Variants in SMAD3 observed in about 807,000 individuals in gnomAD.
SMAD3 encodes SMAD family member 3.
In SMAD3, 12 loss-of-function variants were observed where a neutral mutation model predicts 51.8. The ratio of observed to expected loss-of-function variants is 0.23; its 90% CI spans 0.15 to 0.38. The LOEUF is 0.38. Among genes scored for constraint, SMAD3 ranks in the 10% least tolerant of loss-of-function variants. SMAD3 has a pLI of 1.00. For missense variants in SMAD3, 294 were observed against 565.6 expected, an observed-to-expected ratio of 0.52 and a Z score of 4.87; for synonymous variants, 238 against 227.7, an observed-to-expected ratio of 1.05 and a Z score of -0.41.
chr15:67,079,792 C>T (rs148602250), intron 1 of SMAD3, among the ~76,000 whole-genome samples: 8 of 152,312 alleles, frequency 5.3e-5, no homozygotes, highest in African/African-American at 9.6e-5. Context: ...AGCTCTACCC[C>T]ATAGCCCCTC....
At chr15:67,079,072 G>T (rs898303626) in intron 1 of SMAD3, among the ~76,000 whole-genome samples, 4 of 151,592 alleles carry the variant, frequency 2.6e-5, no homozygotes, top group African/African-American at 9.7e-5. Flanking sequence ...TCTGCTTCCC[G>T]GATTCAGGCT....
Position 67,192,865 on chromosome 15 carries a change from A to T in SMAD3, c.*2329A>T, listed in dbSNP as rs1304121042. On this transcript the variant is annotated 3_prime_UTR_variant, in exon 9 of 9. Coordinates refer to ENST00000327367, the MANE Select transcript of SMAD3 (RefSeq NM_005902.4). ...GTGTCTTAGAACCCTCATTGCTCAG[A>T]CCTGAAGGCTACTTCTAGGAGCATG... 5 of 233,252 alleles carry T rather than the reference A, an allele frequency of 2.1e-5. No individual in the cohort carries two copies. Among genetic ancestry groups the T allele is most frequent in the Non-Finnish European group, 3.4e-5 (4 of 118,012 alleles). 14.4% of individuals were successfully genotyped at this position (233,252 alleles called of 1,614,324 possible).
chr15:67,192,690 A>G lies in SMAD3; in HGVS notation c.*2154A>G, dbSNP rs1963397108. On this transcript the variant is annotated 3_prime_UTR_variant, in exon 9 of 9. Coordinates refer to ENST00000327367, the MANE Select transcript of SMAD3 (RefSeq NM_005902.4). The stretch of plus-strand genomic sequence containing the variant: ...CACACAGCCCTCTGGGTGCTTGGGA[A>G]CTAGCTTCAGGCACAGCCTGATTCT... 4.3e-6 allele frequency: 1 copy of G among 233,034 alleles called. No individual in the cohort carries two copies. The highest frequency in any genetic ancestry group is 8.5e-6 in the Non-Finnish European group (1 of 117,942). 14.4% of individuals were successfully genotyped at this position (233,034 alleles called of 1,614,324 possible).
intron 1 of SMAD3, among the ~76,000 whole-genome samples, chr15:67,141,596 T>C (rs1156443957): frequency 6.6e-6 from 1 of 152,204 alleles, no homozygotes; most frequent in African/African-American, 2.4e-5. Flanking sequence ...TGGCAGTCCC[T>C]GAAGGCTGTA....
intron 1 of SMAD3, among the ~76,000 whole-genome samples, chr15:67,152,672 C>T (rs1962178607): frequency 2.6e-5 from 4 of 152,154 alleles, no homozygotes; most frequent in Admixed American, 2.6e-4. Context: ...GTGAAATGGC[C>T]ACCCAGAAGA....
intron 8 of SMAD3, among the ~76,000 whole-genome samples, chr15:67,189,533 C>T (rs1370448351): frequency 6.6e-6 from 1 of 152,248 alleles, no homozygotes; most frequent in Non-Finnish European, 1.5e-5. Context: ...CAGCACTGCA[C>T]AGCAGCCTGA....
At chr15:67,157,658 C>T (rs545393387) in intron 1 of SMAD3, among the ~76,000 whole-genome samples, 2 of 152,304 alleles carry the variant, frequency 1.3e-5, no homozygotes, top group Admixed American at 6.5e-5. Flanking sequence ...AGTGGCTGAT[C>T]GGTGGAAGTG....
At chr15:67,154,877 A>G (rs765035647) in intron 1 of SMAD3, among the ~76,000 whole-genome samples, 5 of 152,208 alleles carry the variant, frequency 3.3e-5, no homozygotes, top group Non-Finnish European at 5.9e-5. Context: ...GATTCAATAC[A>G]ACAAAGAAAA....
chr15:67,097,856 G>A (rs1046675063), intron 1 of SMAD3, among the ~76,000 whole-genome samples: 13 of 152,142 alleles, frequency 8.5e-5, no homozygotes, highest in Admixed American at 7.9e-4. Context: ...CTGTGAGTAC[G>A]ATTCTAGGGA....
At chr15:67,135,642 C>T (rs1056127829) in intron 1 of SMAD3, among the ~76,000 whole-genome samples, 4 of 151,986 alleles carry the variant, frequency 2.6e-5, no homozygotes, top group African/African-American at 9.7e-5. Flanking sequence ...CCAAGAATTT[C>T]CTCAGTGTTT....
chr15:67,145,646 G>A (rs923948891), intron 1 of SMAD3, among the ~76,000 whole-genome samples: 2 of 152,120 alleles, frequency 1.3e-5, no homozygotes, highest in Non-Finnish European at 2.9e-5. Flanking sequence ...TCAGTGTGGC[G>A]CTTACCGGTT....
At chr15:67,164,769 C>T (rs1595941398) in intron 1 of SMAD3, 126 bp from the exon 2 acceptor site, 3 of 1,023,654 alleles carry the variant, frequency 2.9e-6, no homozygotes, top group African/African-American at 1.6e-5. Flanking sequence ...TCTCCTGGAC[C>T]TCTGGATCTG....
At chr15:67,098,268 T>G (rs561819638) in intron 1 of SMAD3, among the ~76,000 whole-genome samples, 1 of 144,060 alleles carries the variant, frequency 6.9e-6, no homozygotes, top group East Asian at 2.2e-4. Context: ...GATTGGGCTT[T>G]GTGCCTAAAC....
intron 1 of SMAD3, among the ~76,000 whole-genome samples, chr15:67,101,175 G>T (rs186284377): frequency 1.2e-3 from 188 of 152,312 alleles, no homozygotes; most frequent in Non-Finnish European, 1.9e-3. Context: ...GGGACTAATT[G>T]TGTGCAAATA....
chr15:67,084,089 T>C (rs1780556029), intron 1 of SMAD3, among the ~76,000 whole-genome samples: 1 of 141,894 alleles, frequency 7.0e-6, no homozygotes, highest in South Asian at 2.4e-4. Context: ...TTTTTTTTTT[T>C]TTTTGAGATG....
At chr15:67,132,339 C>T (rs537732129) in intron 1 of SMAD3, among the ~76,000 whole-genome samples, 1 of 152,170 alleles carries the variant, frequency 6.6e-6, no homozygotes. Flanking sequence ...ACTGTTTTGC[C>T]CATTTCTGAG....
chr15:67,176,772 A>G (rs565808790), intron 5 of SMAD3, among the ~76,000 whole-genome samples: 5 of 152,202 alleles, frequency 3.3e-5, no homozygotes, highest in Non-Finnish European at 7.3e-5. Flanking sequence ...GGCCGACACC[A>G]CACTGGTGGG....
intron 1 of SMAD3, among the ~76,000 whole-genome samples, chr15:67,110,193 G>T (rs2140233158): frequency 6.6e-6 from 1 of 152,240 alleles, no homozygotes; most frequent in Admixed American, 6.5e-5. Flanking sequence ...TAGGATACTG[G>T]CTGTACCCTT....
intron 1 of SMAD3, among the ~76,000 whole-genome samples, chr15:67,131,188 C>T (rs992687855): frequency 2.6e-5 from 4 of 152,210 alleles, no homozygotes; most frequent in Non-Finnish European, 5.9e-5. Context: ...TGAGGACCCG[C>T]GGCTTCGCAT....
Sources: gnomAD v4.1 joint callset for allele counts (sites outside exome capture counted in the v4.1 genomes callset) on GRCh38, gnomAD v4.1.1 for gene constraint, MANE v1.5 for transcripts, NCBI Gene and HGNC (gene_info 2026-07-23, HGNC 2026-07-21) for gene names.